Variants in UGT2B4 observed in about 807,000 individuals in gnomAD.
UGT2B4 encodes the protein UDP-glucuronosyltransferase 2B4.
In UGT2B4, 49 loss-of-function variants were observed where a neutral mutation model predicts 49.8. That is an observed-to-expected ratio of 0.98 (90% CI 0.78 to 1.25). The LOEUF is 1.25. UGT2B4 is among the 50% of genes most tolerant of loss of function. The pLI is 0.00. For synonymous variants in UGT2B4, 246 were observed against 217.7 expected (o/e 1.13, Z -1.14); for missense variants, 729 against 627.7 (o/e 1.16, Z -1.73).
chr4:69,495,064 T>C, intron 1 of UGT2B4, 77 bp downstream of exon 1: 2 of 1,381,774 alleles, frequency 1.4e-6, no homozygotes, highest in Middle Eastern at 3.8e-4. Context: ...ACCCTGACTT[T>C]ATGGCTTTAT....
At chr4:69,499,751 G>T (rs941246292), upstream of UGT2B4, among the ~76,000 whole-genome samples, 1 of 152,098 alleles carries the variant, frequency 6.6e-6, no homozygotes, top group Non-Finnish European at 1.5e-5. Flanking sequence ...GAGCCTATGT[G>T]TGTCTTTGCA....
At chr4:69,512,865 G>A (rs1006022555) in intron 1 of UGT2B4, among the ~76,000 whole-genome samples, 1 of 151,876 alleles carries the variant, frequency 6.6e-6, no homozygotes, top group Non-Finnish European at 1.5e-5. Context: ...CACGTTTGTT[G>A]GCCCTATATA....
At chr4:69,482,240 A>G (rs572410798) in intron 5 of UGT2B4, among the ~76,000 whole-genome samples, 1 of 152,162 alleles carries the variant, frequency 6.6e-6, no homozygotes, top group East Asian at 1.9e-4. Flanking sequence ...CCACACTATG[A>G]TAGAACCCCT....
chr4:69,519,534 C>A (rs9997934), intron 1 of UGT2B4, among the ~76,000 whole-genome samples: 54,096 of 151,988 alleles, frequency 0.36, 9,709 homozygotes, highest in Non-Finnish European at 0.37. Context: ...TCAGAGCCCC[C>A]AAATCACTAA....
intron 1 of UGT2B4, among the ~76,000 whole-genome samples, chr4:69,505,581 C>T (rs1728446566): frequency 6.6e-6 from 1 of 152,122 alleles, no homozygotes; most frequent in Admixed American, 6.6e-5. Context: ...TTCTTACAGA[C>T]CTGCAAAGAG....
At chr4:69,506,265 T>A (rs1577898080) in intron 1 of UGT2B4, among the ~76,000 whole-genome samples, 1 of 151,714 alleles carries the variant, frequency 6.6e-6, no homozygotes, top group East Asian at 1.9e-4. Flanking sequence ...TAAAAAACAT[T>A]CAAACGAAAA....
At chr4:69,521,151 T>G (rs554737339) in intron 1 of UGT2B4, among the ~76,000 whole-genome samples, 1 of 152,304 alleles carries the variant, frequency 6.6e-6, no homozygotes, top group South Asian at 2.1e-4. Flanking sequence ...TCTGCTTTGC[T>G]CACCCACCAT....
intron 1 of UGT2B4, among the ~76,000 whole-genome samples, chr4:69,516,870 A>T (rs1473985972): frequency 6.8e-6 from 1 of 146,250 alleles, no homozygotes; most frequent in Non-Finnish European, 1.5e-5. Flanking sequence ...ACGCTCCCAA[A>T]GGCTTCTTTT....
At chr4:69,494,571 A>T (rs906491479) in intron 1 of UGT2B4, among the ~76,000 whole-genome samples, 1 of 152,150 alleles carries the variant, frequency 6.6e-6, no homozygotes. Flanking sequence ...ATGGTTTCCA[A>T]TCCTTTAGTG....
intron 1 of UGT2B4, among the ~76,000 whole-genome samples, chr4:69,502,030 G>T (rs988828764): frequency 1.3e-5 from 2 of 151,308 alleles, no homozygotes; most frequent in African/African-American, 4.9e-5. Flanking sequence ...CTCCTGGGTG[G>T]GACATCATCC....
chr4:69,502,933 T>C (rs553916356), intron 1 of UGT2B4, among the ~76,000 whole-genome samples: 2 of 151,998 alleles, frequency 1.3e-5, no homozygotes, highest in South Asian at 2.1e-4. Flanking sequence ...GAACAGCGTC[T>C]CCATCCTGGG....
chr4:69,480,423 C>A lies in UGT2B4; in HGVS notation c.*211G>T. 5.0e-6 allele frequency: 3 copies of A among 600,708 alleles called. No homozygotes were observed. In the South Asian group the frequency reaches 7.6e-5, roughly 15 times the overall value. 37.2% of individuals were successfully genotyped at this position (600,708 alleles called of 1,614,324 possible). On this transcript the variant is annotated 3_prime_UTR_variant, in exon 6 of 6. Coordinates refer to ENST00000305107, the MANE Select transcript of UGT2B4 (RefSeq NM_021139.3). ...AATATAACCTCATATGGCTTTATAT[C>A]ATTTTTGTTTTCCCTAATGTTTTCC...
At chr4:69,518,070 T>A (rs1390792366) in intron 1 of UGT2B4, 1 of 152,272 alleles carries the variant, frequency 6.6e-6, no homozygotes, top group African/African-American at 2.4e-5. Flanking sequence ...TCAGTTCTTT[T>A]GCTGACTGCC....
intron 2 of UGT2B4, among the ~76,000 whole-genome samples, chr4:69,491,043 T>G (rs140593975): frequency 6.6e-6 from 1 of 152,298 alleles, no homozygotes; most frequent in African/African-American, 2.4e-5. Context: ...AAAATAATTT[T>G]TTTTCTAAAA....
chr4:69,497,509 G>A (rs1463227160), upstream of UGT2B4, among the ~76,000 whole-genome samples: 3 of 152,114 alleles, frequency 2.0e-5, no homozygotes, highest in Non-Finnish European at 4.4e-5. Context: ...TGAACCTGTT[G>A]GCCCTATAAC....
chr4:69,489,929 T>C (rs113403778), intron 2 of UGT2B4, among the ~76,000 whole-genome samples: 2 of 152,274 alleles, frequency 1.3e-5, no homozygotes, highest in African/African-American at 2.4e-5. Context: ...TAATGCTATA[T>C]TGTTGCTCGC....
At position 69,495,531 on chromosome 4, in the gene UGT2B4, G is replaced by C. The variant is rs764699459; in HGVS notation, c.331C>G (p.Gln111Glu). 51 of 1,612,878 alleles carry C rather than the reference G, an allele frequency of 3.2e-5. No individual in the cohort carries two copies. The African/African-American group carries it at 6.5e-4, about 21-fold the overall frequency. ...PKDTFWSYFS[Q>E]VQEIMWTFND... is the part of the protein sequence containing the mutation. Reference sequence around the variant, plus strand: ...AATGTCCACATGATTTCTTGTACTTGTGAAAAATATGACCAAAATGTGTCT... The same window carrying C: ...AATGTCCACATGATTTCTTGTACTTCTGAAAAATATGACCAAAATGTGTCT... The change falls in exon 1 of 6, where the codon CAA becomes GAA. Residue 111 changes from glutamine (Q) to glutamate (E), a missense_variant. Gln to Glu is a conservative substitution (Grantham distance 29, BLOSUM62 2). Coordinates refer to ENST00000305107, the MANE Select transcript of UGT2B4 (RefSeq NM_021139.3).
upstream of UGT2B4, among the ~76,000 whole-genome samples, chr4:69,499,258 T>G (rs888775413): frequency 6.6e-6 from 1 of 152,204 alleles, no homozygotes; most frequent in African/African-American, 2.4e-5. Context: ...TATTTTCATT[T>G]GCTAAGGAGT....
rs375637120 is a variant in UGT2B4, at chr4:69,495,320, T to A, written c.542A>T (p.Glu181Val). The change falls in exon 1 of 6, where the codon GAA becomes GTA. Residue 181 changes from glutamate (E) to valine (V), a missense_variant. By Grantham distance (121) the Glu-to-Val change is moderately radical (BLOSUM62 -2). Transcript: ENST00000305107. ...SLRFSPGYAI[E>V]KHSGGLLFPP... The stretch of plus-strand genomic sequence containing the variant: ...GAACAGAAGTCCTCCACTATGCTTT[T>A]CAATTGCGTAGCCAGGAGAGAAGCG... 31 of 1,612,872 alleles carry A rather than the reference T, an allele frequency of 1.9e-5. No individual in the cohort carries two copies. The African/African-American group carries it at 3.9e-4, about 20-fold the overall frequency.
Sources: allele counts gnomAD v4.1 joint callset (sites outside exome capture counted in the v4.1 genomes callset), GRCh38; gene constraint gnomAD v4.1.1; transcripts MANE v1.5; gene names NCBI Gene and HGNC (gene_info 2026-07-23, HGNC 2026-07-21).